Variants in CHRM3 observed in about 807,000 individuals in gnomAD.
The protein encoded by CHRM3 is cholinergic receptor muscarinic 3, also known as muscarinic acetylcholine receptor M3.
In CHRM3, 11 loss-of-function variants were observed where a neutral mutation model predicts 41.8. The observed-to-expected ratio is 0.26, with a 90% confidence interval of 0.17 to 0.44. The LOEUF (loss-of-function observed/expected upper bound fraction) is 0.44. Among genes scored for constraint, CHRM3 ranks in the 20% least tolerant of loss-of-function variants. The pLI is 1.00. For synonymous variants in CHRM3, 297 were observed against 301.4 expected (o/e 0.99, Z 0.15); for missense variants, 571 against 745.4 (o/e 0.77, Z 2.72).
intron 4 of CHRM3, among the ~76,000 whole-genome samples, chr1:239,668,876 A>C (rs1271903376): frequency 6.6e-6 from 1 of 152,188 alleles, no homozygotes; most frequent in Non-Finnish European, 1.5e-5. Context: ...GTAGTTCTAG[A>C]GATAATAGGA....
chr1:239,407,623 A>G (rs918432843), intron 1 of CHRM3, among the ~76,000 whole-genome samples: 2 of 152,056 alleles, frequency 1.3e-5, no homozygotes, highest in Admixed American at 6.6e-5. Context: ...TATTGAAATC[A>G]CCATTAATGC....
intron 2 of CHRM3, among the ~76,000 whole-genome samples, chr1:239,503,387 C>T (rs1252990286): frequency 2.6e-5 from 4 of 152,022 alleles, no homozygotes. Context: ...AGGAAAACTA[C>T]AAAACACTGC....
Position 239,677,845 on chromosome 1 carries a change from G to T in CHRM3, c.-249-341G>T, listed in dbSNP as rs543347042. ...CTGTATGTTATGTGTACATATTTTT[G>T]GGGGAAGCTTATAAAATACTGCCAA... On this transcript the variant is annotated intron_variant, in intron 4 of 6. Transcript: ENST00000676153. Among the ~76,000 whole-genome samples, 39 of 152,182 alleles carry T rather than the reference G, an allele frequency of 2.6e-4. 1 individual carries two copies. In the South Asian group the frequency reaches 7.7e-3, roughly 30 times the overall value.
chr1:239,505,708 A>T (rs148376536), intron 2 of CHRM3, among the ~76,000 whole-genome samples: 306 of 152,326 alleles, frequency 2.0e-3, no homozygotes, highest in African/African-American at 6.9e-3. Context: ...AAAATATGGA[A>T]GTTACTTTGG....
intron 1 of CHRM3, among the ~76,000 whole-genome samples, chr1:239,398,758 A>G (rs1316903916): frequency 1.3e-5 from 2 of 152,182 alleles, no homozygotes; most frequent in African/African-American, 4.8e-5. Context: ...TAGACCTAAA[A>G]ATAACATTCA....
In CHRM3 at chr1:239,668,608, A is replaced by T. The variant is rs1674056879; in HGVS notation, c.-249-9578A>T. Among the ~76,000 whole-genome samples the T allele has an allele frequency of 2.0e-5, 3 of 152,324 alleles. No homozygotes were observed. In the South Asian group the frequency reaches 6.2e-4, roughly 32 times the overall value. On this transcript the variant is annotated intron_variant, in intron 4 of 6. Coordinates refer to ENST00000676153, the MANE Select transcript of CHRM3 (RefSeq NM_001375978.1). ...AGAATTGTGTCTAAAGGAAAATTAG[A>T]ATTCTACAGTAATAGAATTTTGTAT...
chr1:239,703,467 G>T (rs770668919), intron 5 of CHRM3: 22 of 152,148 alleles, frequency 1.4e-4, no homozygotes, highest in Non-Finnish European at 2.6e-4. Context: ...GCAAACAGTT[G>T]ATGACTGTCA....
At chr1:239,396,239 A>G (rs1186538094) in intron 1 of CHRM3, among the ~76,000 whole-genome samples, 1 of 150,670 alleles carries the variant, frequency 6.6e-6, no homozygotes, top group Non-Finnish European at 1.5e-5. Flanking sequence ...CAGACTGTGA[A>G]CTCCTTGAAA....
intron 5 of CHRM3, among the ~76,000 whole-genome samples, chr1:239,690,642 A>G (rs879807286): frequency 6.6e-6 from 1 of 152,116 alleles, no homozygotes; most frequent in Admixed American, 6.6e-5. Context: ...AAGAAAAAAA[A>G]ATTACTTAAA....
chr1:239,527,440 C>A lies in CHRM3; in HGVS notation c.-421-18201C>A, dbSNP rs12564240. On this transcript the variant is annotated intron_variant, in intron 2 of 6. Transcript: ENST00000676153. ...TTTATATCCCCTTTGTTCCCACTCA[C>A]TGCCATTTTTACCTACCTTTCCTCA... 3.2e-3 allele frequency among the ~76,000 whole-genome samples: 487 copies of A among 152,302 alleles called. 19 individuals are homozygous for A. The East Asian group carries it at 0.081, about 25-fold the overall frequency.
chr1:239,828,936 T>G (rs1317602745), intron 6 of CHRM3, among the ~76,000 whole-genome samples: 1 of 152,136 alleles, frequency 6.6e-6, no homozygotes, highest in Non-Finnish European at 1.5e-5. Context: ...GGGGCAAATT[T>G]AAAGTAGAGC....
chr1:239,572,691 T>C (rs1661940793), intron 3 of CHRM3, among the ~76,000 whole-genome samples: 1 of 152,232 alleles, frequency 6.6e-6, no homozygotes, highest in African/African-American at 2.4e-5. Flanking sequence ...TATTTGAACA[T>C]AATAATACTC....
intron 1 of CHRM3, among the ~76,000 whole-genome samples, chr1:239,445,751 AT>A (rs1664077209): frequency 6.6e-6 from 1 of 152,188 alleles, no homozygotes; most frequent in Non-Finnish European, 1.5e-5. Flanking sequence ...TATTATTACT[AT>A]CATCATCCAT....
At chr1:239,642,244 T>G (rs1671240219) in intron 4 of CHRM3, among the ~76,000 whole-genome samples, 1 of 150,274 alleles carries the variant, frequency 6.7e-6, no homozygotes, top group African/African-American at 2.5e-5. Flanking sequence ...ATTATGTGTC[T>G]TGGAGTTGCT....
intron 1 of CHRM3, among the ~76,000 whole-genome samples, chr1:239,466,987 G>T (rs1665776023): frequency 6.6e-6 from 1 of 151,982 alleles, no homozygotes; most frequent in African/African-American, 2.4e-5. Flanking sequence ...ACTCTTAAAG[G>T]TACTATCATC....
chr1:239,887,651 A>G (rs1190007844), intron 6 of CHRM3, among the ~76,000 whole-genome samples: 1 of 152,144 alleles, frequency 6.6e-6, no homozygotes, highest in Non-Finnish European at 1.5e-5. Context: ...ATCTGTTGAG[A>G]TGTTTTTGAA....
intron 5 of CHRM3, among the ~76,000 whole-genome samples, chr1:239,711,305 T>C (rs1334683034): frequency 6.6e-6 from 1 of 152,056 alleles, no homozygotes; most frequent in East Asian, 1.9e-4. Flanking sequence ...TTGCATCCTT[T>C]GAGTCCCGGG....
At chr1:239,433,674 A>C (rs1050407623) in intron 1 of CHRM3, among the ~76,000 whole-genome samples, 18 of 150,566 alleles carry the variant, frequency 1.2e-4, no homozygotes, top group African/African-American at 4.4e-4. Context: ...GCATCCTCAT[A>C]GCTTAGCTCC....
At chr1:239,696,284 G>A (rs912474211) in intron 5 of CHRM3, among the ~76,000 whole-genome samples, 1 of 152,140 alleles carries the variant, frequency 6.6e-6, no homozygotes, top group African/African-American at 2.4e-5. Context: ...AAGGCAAAAA[G>A]TGCTATCTTT....
Sources: allele counts gnomAD v4.1 joint callset (sites outside exome capture counted in the v4.1 genomes callset), GRCh38; gene constraint gnomAD v4.1.1; transcripts MANE v1.5; gene names NCBI Gene and HGNC (gene_info 2026-07-23, HGNC 2026-07-21).